Variants in NR2F1-AS1 observed in about 807,000 individuals in gnomAD.
The protein encoded by NR2F1-AS1 is NR2F1 regulatory antisense RNA 1.
At chr5:93,585,021 G>A, upstream of NR2F1-AS1, 2 of 1,011,646 alleles carry the variant, frequency 2.0e-6, no homozygotes, top group Non-Finnish European at 2.4e-6. Context: ...CGGGCCCAAA[G>A]ATATGGCAAT....
chr5:93,482,687 T>C (rs1217827844), intron 4 of NR2F1-AS1, among the ~76,000 whole-genome samples: 1 of 151,980 alleles, frequency 6.6e-6, no homozygotes, highest in East Asian at 1.9e-4. Context: ...AGCCAAGCAA[T>C]CTAAGATCAA....
At chr5:93,409,904 G>A (rs1748815883) in intron 4 of NR2F1-AS1, 1 of 152,096 alleles carries the variant, frequency 6.6e-6, no homozygotes, top group Non-Finnish European at 1.5e-5. Flanking sequence ...AGTGCTATTG[G>A]CAGTATGTAT....
At chr5:93,572,775 C>G (rs1319415845) in intron 1 of NR2F1-AS1, among the ~76,000 whole-genome samples, 1 of 152,246 alleles carries the variant, frequency 6.6e-6, no homozygotes, top group Non-Finnish European at 1.5e-5. Flanking sequence ...CAAGTCATTA[C>G]GCCTTTATCC....
At position 93,509,593 on chromosome 5, in the gene NR2F1-AS1, A is replaced by G. The variant is rs1751254913; in HGVS notation, n.638+44168T>C. Among the ~76,000 whole-genome samples, 3 of 152,052 alleles carry G rather than the reference A, an allele frequency of 2.0e-5. No homozygotes were observed. In the South Asian group the frequency reaches 6.2e-4, roughly 31 times the overall value. ...TATCTCTGGAGAAGTAAAATGAGAC[A>G]GAATGGGATGTGAAGGAACTCAAGA... On this transcript the variant is annotated intron_variant and non_coding_transcript_variant, in intron 4 of 5. Coordinates refer to ENST00000660523, the Ensembl canonical transcript of NR2F1-AS1.
chr5:93,552,946 A>G (rs1752266958), intron 4 of NR2F1-AS1, among the ~76,000 whole-genome samples: 1 of 152,138 alleles, frequency 6.6e-6, no homozygotes, highest in Non-Finnish European at 1.5e-5. Context: ...AACTGCAGAT[A>G]GCTATGTAGA....
At chr5:93,576,153 C>T (rs903872142) in intron 1 of NR2F1-AS1, among the ~76,000 whole-genome samples, 1 of 152,304 alleles carries the variant, frequency 6.6e-6, no homozygotes, top group South Asian at 2.1e-4. Context: ...TCACACCAAC[C>T]TGAGCCCTAG....
At chr5:93,412,987 T>C (rs1052295009) in intron 4 of NR2F1-AS1, among the ~76,000 whole-genome samples, 1 of 151,916 alleles carries the variant, frequency 6.6e-6, no homozygotes, top group African/African-American at 2.4e-5. Context: ...GGCTTCCTCC[T>C]GTTCCCTGGA....
intron 4 of NR2F1-AS1, among the ~76,000 whole-genome samples, chr5:93,504,523 C>T (rs1327119823): frequency 6.6e-6 from 1 of 151,930 alleles, no homozygotes; most frequent in Admixed American, 6.6e-5. Context: ...GGTATTAGTC[C>T]ATTTTCATGC....
At chr5:93,572,683 C>T (rs998349856) in intron 1 of NR2F1-AS1, among the ~76,000 whole-genome samples, 1 of 152,244 alleles carries the variant, frequency 6.6e-6, no homozygotes, top group Non-Finnish European at 1.5e-5. Flanking sequence ...CTTTTCCCCC[C>T]ACCGAGCAAA....
chr5:93,566,566 A>G (rs961621618), intron 1 of NR2F1-AS1, among the ~76,000 whole-genome samples: 4 of 152,032 alleles, frequency 2.6e-5, no homozygotes, highest in African/African-American at 9.7e-5. Flanking sequence ...CAAGAAAAAG[A>G]GTGTTGTTCT....
At chr5:93,419,884 A>G (rs1433816942) in intron 4 of NR2F1-AS1, among the ~76,000 whole-genome samples, 5 of 152,178 alleles carry the variant, frequency 3.3e-5, no homozygotes, top group East Asian at 3.9e-4. Context: ...CAAAACACAC[A>G]TGGCTAAGCT....
At chr5:93,460,990 C>T (rs181196328) in intron 4 of NR2F1-AS1, among the ~76,000 whole-genome samples, 1 of 152,260 alleles carries the variant, frequency 6.6e-6, no homozygotes, top group Admixed American at 6.5e-5. Flanking sequence ...TGGGTATATA[C>T]CCAAAGGAAT....
intron 4 of NR2F1-AS1, among the ~76,000 whole-genome samples, chr5:93,442,199 C>T (rs1749585812): frequency 6.6e-6 from 1 of 152,158 alleles, no homozygotes; most frequent in African/African-American, 2.4e-5. Context: ...GCTTGTCGGA[C>T]AGTGGGTGCA....
intron 1 of NR2F1-AS1, chr5:93,570,872 G>A (rs566233877): frequency 1.3e-5 from 2 of 152,382 alleles, no homozygotes; most frequent in South Asian, 4.1e-4. Context: ...CTCCCTGCGG[G>A]GCCGCGCTTA....
At chr5:93,511,923 C>T (rs1437495544) in intron 4 of NR2F1-AS1, among the ~76,000 whole-genome samples, 1 of 152,134 alleles carries the variant, frequency 6.6e-6, no homozygotes, top group African/African-American at 2.4e-5. Flanking sequence ...TTGTCTTCCA[C>T]GTTTAGGTCC....
At chr5:93,452,515 G>T (rs1393518261) in intron 4 of NR2F1-AS1, among the ~76,000 whole-genome samples, 3 of 152,136 alleles carry the variant, frequency 2.0e-5, no homozygotes, top group African/African-American at 7.2e-5. Context: ...GAGATTATCA[G>T]ACAGGAGGTA....
At chr5:93,532,194 C>T (rs549670881) in intron 4 of NR2F1-AS1, among the ~76,000 whole-genome samples, 2 of 152,078 alleles carry the variant, frequency 1.3e-5, no homozygotes, top group South Asian at 2.1e-4. Context: ...TAATGTTCTT[C>T]GTTATTTTAA....
At chr5:93,519,183 A>T (rs181531854) in intron 4 of NR2F1-AS1, among the ~76,000 whole-genome samples, 2 of 151,890 alleles carry the variant, frequency 1.3e-5, no homozygotes, top group Non-Finnish European at 1.5e-5. Flanking sequence ...TACTGTATAT[A>T]AAAAAAATAC....
At chr5:93,582,427 A>C (rs1026283638), upstream of NR2F1-AS1, among the ~76,000 whole-genome samples, 1 of 152,042 alleles carries the variant, frequency 6.6e-6, no homozygotes, top group Non-Finnish European at 1.5e-5. Flanking sequence ...AACCTTTTAA[A>C]CCAAGGTATA....
Sources: gnomAD v4.1 joint callset for allele counts (sites outside exome capture counted in the v4.1 genomes callset) on GRCh38, gnomAD v4.1.1 for gene constraint, MANE v1.5 for transcripts, NCBI Gene and HGNC (gene_info 2026-07-23, HGNC 2026-07-21) for gene names.